Variants in NELL2 observed in about 807,000 individuals in gnomAD.
NELL2 encodes the protein neural EGFL like 2.
Under a neutral mutation model 109.6 loss-of-function variants are expected in NELL2, and 41 were observed. The ratio of observed to expected loss-of-function variants is 0.37; its 90% confidence interval spans 0.29 to 0.49. NELL2 has a LOEUF of 0.49. Ranked by LOEUF, NELL2 falls within the 20% of genes least tolerant of loss-of-function variation. NELL2 has a pLI of 0.98. For synonymous variants in NELL2, 355 were observed against 344.7 expected (o/e 1.03, Z -0.33); for missense variants, 900 against 1,008.3 (o/e 0.89, Z 1.45).
rs377558622 is a variant in NELL2 at position 44,665,635 on chromosome 12, G to A, written c.1319-26C>T. On this transcript the variant is annotated intron_variant, in intron 12 of 19. Coordinates refer to ENST00000429094, the MANE Select transcript of NELL2 (RefSeq NM_001145108.2). ...CTGTGAAGAAAAACAGGACAAAGAG[G>A]TCAACAGTGGGCAATATTCTGGAGC... is the stretch of plus-strand genomic sequence containing the variant. The A allele has an allele frequency of 7.5e-6, 12 of 1,602,380 alleles. No homozygotes were observed. The East Asian group carries it at 2.5e-4, about 33-fold the overall frequency.
intron 12 of NELL2, among the ~76,000 whole-genome samples, chr12:44,679,482 T>C (rs560489399): frequency 5.3e-5 from 8 of 152,222 alleles, no homozygotes; most frequent in African/African-American, 1.7e-4. Flanking sequence ...TTATAACACT[T>C]TGCTTTGTAC....
chr12:44,676,228 A>G (rs762968501), intron 12 of NELL2, among the ~76,000 whole-genome samples: 1 of 152,172 alleles, frequency 6.6e-6, no homozygotes, highest in South Asian at 2.1e-4. Flanking sequence ...AAAGATATCA[A>G]TAAAATAATT....
intron 1 of NELL2, among the ~76,000 whole-genome samples, chr12:44,901,524 A>G (rs1945660839): frequency 6.6e-6 from 1 of 152,198 alleles, no homozygotes; most frequent in African/African-American, 2.4e-5. Flanking sequence ...ACAGAAAAAG[A>G]GGGACTCCTC....
At chr12:44,794,557 C>A (rs186357755) in intron 3 of NELL2, among the ~76,000 whole-genome samples, 241 of 152,222 alleles carry the variant, frequency 1.6e-3, no homozygotes, top group African/African-American at 5.7e-3. Context: ...TGTTTGCTGA[C>A]CCATCAGGGT....
intron 1 of NELL2, among the ~76,000 whole-genome samples, chr12:44,911,726 T>G (rs1273114888): frequency 6.6e-6 from 1 of 151,762 alleles, no homozygotes; most frequent in Non-Finnish European, 1.5e-5. Flanking sequence ...GAGTCACCGA[T>G]AAACAAGAGA....
At chr12:44,516,410 C>T (rs1327994825) in intron 19 of NELL2, among the ~76,000 whole-genome samples, 2 of 151,954 alleles carry the variant, frequency 1.3e-5, no homozygotes, top group Non-Finnish European at 2.9e-5. Flanking sequence ...GTATGTGTTG[C>T]ATTGTGTATT....
intron 9 of NELL2, among the ~76,000 whole-genome samples, chr12:44,758,349 G>C (rs1051132260): frequency 6.6e-6 from 1 of 152,044 alleles, no homozygotes; most frequent in Non-Finnish European, 1.5e-5. Context: ...AATGCTATTC[G>C]CTGTGTTGGT....
At chr12:44,669,766 G>A (rs912976284) in intron 12 of NELL2, among the ~76,000 whole-genome samples, 1 of 152,074 alleles carries the variant, frequency 6.6e-6, no homozygotes, top group Non-Finnish European at 1.5e-5. Flanking sequence ...TGTCCTATAG[G>A]AAACTATATA....
intron 13 of NELL2, among the ~76,000 whole-genome samples, chr12:44,632,499 G>A (rs938795606): frequency 7.2e-5 from 11 of 152,072 alleles, no homozygotes; most frequent in Admixed American, 3.3e-4. Context: ...CTTAAGTGAT[G>A]AAGATAATAA....
intron 13 of NELL2, among the ~76,000 whole-genome samples, chr12:44,662,472 T>C (rs1947780386): frequency 6.6e-6 from 1 of 152,198 alleles, no homozygotes; most frequent in Admixed American, 6.5e-5. Flanking sequence ...TAACTATGGA[T>C]AAAGCAATCT....
chr12:44,840,290 G>A (rs950750899), intron 2 of NELL2, among the ~76,000 whole-genome samples: 3 of 152,116 alleles, frequency 2.0e-5, no homozygotes, highest in Non-Finnish European at 2.9e-5. Context: ...TTAATGTATT[G>A]CAAGTTATTT....
chr12:44,775,653 G>T (rs954240531), intron 8 of NELL2, among the ~76,000 whole-genome samples: 1 of 152,050 alleles, frequency 6.6e-6, no homozygotes, highest in African/African-American at 2.4e-5. Context: ...AATATTTAAT[G>T]CTGCATATGA....
chr12:44,899,366 A>T (rs1036890191), intron 1 of NELL2, among the ~76,000 whole-genome samples: 2 of 152,196 alleles, frequency 1.3e-5, no homozygotes, highest in African/African-American at 2.4e-5. Flanking sequence ...CCAAACAGAA[A>T]CATCAGGTTA....
intron 1 of NELL2, among the ~76,000 whole-genome samples, chr12:44,900,680 C>A (rs561642123): frequency 1.3e-5 from 2 of 152,042 alleles, no homozygotes; most frequent in South Asian, 4.1e-4. Flanking sequence ...AAAATTGACA[C>A]CCTAACTTCA....
chr12:44,510,049 A>G (rs541641893), intron 19 of NELL2, among the ~76,000 whole-genome samples: 45 of 152,298 alleles, frequency 3.0e-4, no homozygotes, highest in African/African-American at 1.1e-3. Context: ...TTTTTGATAT[A>G]AGGTATCAAA....
chr12:44,559,475 T>C (rs1943388087), intron 15 of NELL2, among the ~76,000 whole-genome samples: 1 of 152,152 alleles, frequency 6.6e-6, no homozygotes, highest in African/African-American at 2.4e-5. Flanking sequence ...CATAAAGGGA[T>C]GGAGGAATAT....
intron 9 of NELL2, 147 bp from the exon 10 acceptor site, chr12:44,714,888 A>G (rs879560675): frequency 9.0e-6 from 4 of 444,186 alleles, no homozygotes; most frequent in East Asian, 3.6e-5. Flanking sequence ...ATCTACTGCA[A>G]GGCACATGTA....
chr12:44,596,255 C>T (rs1264006517), intron 15 of NELL2, among the ~76,000 whole-genome samples: 1 of 152,164 alleles, frequency 6.6e-6, no homozygotes, highest in Admixed American at 6.6e-5. Flanking sequence ...ATTTGGCACC[C>T]ATATTCCACA....
At chr12:44,629,838 T>G (rs1262700863) in intron 13 of NELL2, among the ~76,000 whole-genome samples, 1 of 152,216 alleles carries the variant, frequency 6.6e-6, no homozygotes, top group Non-Finnish European at 1.5e-5. Flanking sequence ...TTTCCTGACC[T>G]AGAACCGTAA....
Sources: gnomAD v4.1 joint callset for allele counts (sites outside exome capture counted in the v4.1 genomes callset) on GRCh38, gnomAD v4.1.1 for gene constraint, MANE v1.5 for transcripts, NCBI Gene and HGNC (gene_info 2026-07-23, HGNC 2026-07-21) for gene names.